Variants in HDAC9 observed in about 807,000 individuals in gnomAD.
HDAC9 encodes histone deacetylase 9.
In HDAC9, 41 loss-of-function variants were observed where a neutral mutation model predicts 139.4. The ratio of observed to expected loss-of-function variants is 0.29; its 90% CI spans 0.23 to 0.38. The LOEUF is 0.38. Ranked by LOEUF, HDAC9 falls within the 10% of genes least tolerant of loss-of-function variation. The pLI is 1.00. For missense variants in HDAC9, 1,147 were observed against 1,297.0 expected (o/e 0.88, Z 1.78); for synonymous variants, 517 against 476.2 (o/e 1.09, Z -1.12).
At chr7:18,970,909 G>C (rs1784204049) in intron 24 of HDAC9, among the ~76,000 whole-genome samples, 1 of 152,170 alleles carries the variant, frequency 6.6e-6, no homozygotes, top group African/African-American at 2.4e-5. Flanking sequence ...AAGTAGCAAA[G>C]GGGTTTGAAT....
In HDAC9 at chr7:18,615,956, G is replaced by A. The variant is rs545545758; in HGVS notation, c.665-13394G>A. On this transcript the variant is annotated intron_variant, in intron 6 of 25. Transcript: ENST00000686413. ...GCTAAAATGAAGGCATCACCCTGGC[G>A]TGTTCTTTTCTGGGGACTCTGGGAA... Among the ~76,000 whole-genome samples the A allele has an allele frequency of 2.0e-5, 3 of 152,262 alleles. No individual in the cohort carries two copies. The East Asian group carries it at 5.8e-4, about 29-fold the overall frequency.
At chr7:18,990,103 G>C (rs1331811028) in intron 25 of HDAC9, among the ~76,000 whole-genome samples, 2 of 152,150 alleles carry the variant, frequency 1.3e-5, no homozygotes, top group African/African-American at 2.4e-5. Flanking sequence ...GTGAGGAACT[G>C]AGTTCCTTTG....
intron 13 of HDAC9, among the ~76,000 whole-genome samples, chr7:18,729,771 T>C (rs1426309787): frequency 6.6e-6 from 1 of 152,164 alleles, no homozygotes; most frequent in Non-Finnish European, 1.5e-5. Context: ...TCTTTTTATA[T>C]ATAATGGATT....
At chr7:18,475,211 A>T (rs1795022844) in intron 1 of HDAC9, among the ~76,000 whole-genome samples, 1 of 152,220 alleles carries the variant, frequency 6.6e-6, no homozygotes. Flanking sequence ...AAATCTCTGC[A>T]AATGGGACAA....
At chr7:18,291,963 A>C (rs987457719) in intron 1 of HDAC9, among the ~76,000 whole-genome samples, 6 of 152,120 alleles carry the variant, frequency 3.9e-5, no homozygotes, top group African/African-American at 1.4e-4. Flanking sequence ...AGGCTGCCTC[A>C]TATCTGAGCT....
chr7:18,818,931 A>G (rs185958783), intron 17 of HDAC9, among the ~76,000 whole-genome samples: 1 of 152,070 alleles, frequency 6.6e-6, no homozygotes, highest in African/African-American at 2.4e-5. Flanking sequence ...GCACTTTCTT[A>G]TTTTCTGTAC....
intron 2 of HDAC9, among the ~76,000 whole-genome samples, chr7:18,169,496 C>G (rs909481062): frequency 2.6e-5 from 4 of 151,546 alleles, no homozygotes; most frequent in African/African-American, 9.7e-5. Flanking sequence ...TTGTAGGGTA[C>G]ATGTGCACAA....
intron 1 of HDAC9, 87 bp from the exon 2 acceptor site, chr7:18,496,175 C>CCA: frequency 6.8e-7 from 1 of 1,474,000 alleles, no homozygotes; most frequent in Non-Finnish European, 9.4e-7. Context: ...GTGCACTGAG[C>CCA]AGTGATGAAT....
chr7:18,240,551 A>G (rs1794122981), intron 2 of HDAC9, among the ~76,000 whole-genome samples: 1 of 152,202 alleles, frequency 6.6e-6, no homozygotes, highest in African/African-American at 2.4e-5. Context: ...GGACTCTCAC[A>G]GTCGTCTCCT....
At chr7:18,917,897 A>T (rs140489345) in intron 22 of HDAC9, among the ~76,000 whole-genome samples, 172 of 152,028 alleles carry the variant, frequency 1.1e-3, no homozygotes, top group Middle Eastern at 0.01. Flanking sequence ...ATAACGGCAT[A>T]TTGGGGCCCT....
chr7:18,537,387 G>C (rs1322015048), intron 2 of HDAC9, among the ~76,000 whole-genome samples: 1 of 152,080 alleles, frequency 6.6e-6, no homozygotes, highest in Admixed American at 6.5e-5. Flanking sequence ...AAAATAGCTT[G>C]TATCGAATTG....
At chr7:18,995,954 A>G (rs1786429772) in intron 25 of HDAC9, 69 bp from the exon 26 acceptor site, 1 of 1,157,844 alleles carries the variant, frequency 8.6e-7, no homozygotes, top group South Asian at 1.3e-5. Context: ...AGCTTTGATT[A>G]TGCATGAAAA....
intron 12 of HDAC9, among the ~76,000 whole-genome samples, chr7:18,688,804 A>G (rs1319254823): frequency 6.6e-6 from 1 of 151,924 alleles, no homozygotes; most frequent in Non-Finnish European, 1.5e-5. Context: ...GGAAGTCAAA[A>G]TGACAAGGAC....
chr7:18,865,539 G>A (rs1196054767), intron 21 of HDAC9, among the ~76,000 whole-genome samples: 2 of 152,148 alleles, frequency 1.3e-5, no homozygotes, highest in Non-Finnish European at 2.9e-5. Flanking sequence ...CGCTCCTAGT[G>A]CTGACGCTTT....
At chr7:18,665,387 C>T (rs1302749056) in intron 11 of HDAC9, among the ~76,000 whole-genome samples, 1 of 152,052 alleles carries the variant, frequency 6.6e-6, no homozygotes, top group African/African-American at 2.4e-5. Flanking sequence ...ATTTATTGAG[C>T]TTTCATGTTA....
intron 15 of HDAC9, among the ~76,000 whole-genome samples, chr7:18,764,334 G>A (rs1042419664): frequency 3.3e-5 from 5 of 152,096 alleles, no homozygotes; most frequent in Non-Finnish European, 7.4e-5. Flanking sequence ...CATGTGTGGA[G>A]TTTCATATAC....
intron 6 of HDAC9, among the ~76,000 whole-genome samples, chr7:18,597,859 T>C (rs895402691): frequency 6.6e-5 from 10 of 152,136 alleles, no homozygotes; most frequent in African/African-American, 2.4e-4. Context: ...TAAGAGACTT[T>C]TCCAGCCCCA....
chr7:18,269,521 CAG>C (rs1378125040), intron 2 of HDAC9, among the ~76,000 whole-genome samples: 1 of 152,092 alleles, frequency 6.6e-6, no homozygotes, highest in African/African-American at 2.4e-5. Flanking sequence ...CACCAGTCTC[CAG>C]AGTTTACTGA....
intron 2 of HDAC9, among the ~76,000 whole-genome samples, chr7:18,245,353 A>G (rs1794455427): frequency 6.6e-6 from 1 of 152,170 alleles, no homozygotes; most frequent in East Asian, 1.9e-4. Flanking sequence ...TGACTTTTCT[A>G]TGTATCTGGA....
Sources: allele counts gnomAD v4.1 joint callset (sites outside exome capture counted in the v4.1 genomes callset), GRCh38; gene constraint gnomAD v4.1.1; transcripts MANE v1.5; gene names NCBI Gene and HGNC (gene_info 2026-07-23, HGNC 2026-07-21).